The following BCCIP variants were observed in gnomAD, a reference collection of about 807,000 sequenced individuals.
The protein encoded by BCCIP is BRCA2 and CDKN1A interacting protein.
BCCIP carries 23 observed loss-of-function variants against 32.8 expected under a neutral mutation model. That is an observed-to-expected ratio of 0.70 (90% CI 0.51 to 0.99). BCCIP has a LOEUF of 0.99. Among genes scored for constraint, BCCIP ranks in the 50% least tolerant of loss-of-function variants. The pLI is 0.00. For missense variants in BCCIP, 378 were observed against 379.8 expected (o/e 1.00, Z 0.04); for synonymous variants, 144 against 137.6 (o/e 1.05, Z -0.33).
chr10:125,852,333 G>A (rs1368886326), intron 7 of BCCIP: 1 of 1,614,044 alleles, frequency 6.2e-7, no homozygotes, highest in Non-Finnish European at 8.5e-7. Context: ...GGCCCGCAAT[G>A]TCTATCCTCT....
At chr10:125,843,741 A>G (rs944188273), downstream of BCCIP, among the ~76,000 whole-genome samples, 4 of 152,186 alleles carry the variant, frequency 2.6e-5, no homozygotes, top group Non-Finnish European at 5.9e-5. Context: ...GATGCAGCCT[A>G]CCACACCTCC....
intron 2 of BCCIP, 143 bp from the exon 3 acceptor site, chr10:125,827,415 C>T: frequency 1.9e-6 from 1 of 531,672 alleles, no homozygotes; most frequent in Non-Finnish European, 3.3e-6. Context: ...CTCTCCTGGG[C>T]TTTTCTTTCC....
In BCCIP at chr10:125,834,067, C is replaced by G. The variant is rs906171637; in HGVS notation, c.774+121C>G. On this transcript the variant is annotated intron_variant, in intron 6 of 6. Coordinates refer to ENST00000278100, the MANE Select transcript of BCCIP (RefSeq NM_078468.3). ...TTTCAAGTGTGGCTACTCTGTTTTT[C>G]TGTTTCCCCACAGGACCTAGCAGCT... The G allele has an allele frequency of 6.2e-6, 7 of 1,133,930 alleles. No homozygotes were observed. The African/African-American group carries it at 9.4e-5, about 15-fold the overall frequency. The allele number at this position is 1,133,930 out of a possible 1,614,324, so 70.2% of individuals were successfully genotyped here.
chr10:125,850,392 T>G (rs1944075416), intron 7 of BCCIP, among the ~76,000 whole-genome samples: 1 of 150,004 alleles, frequency 6.7e-6, no homozygotes, highest in East Asian at 2.0e-4. Context: ...AGTTTTGCTC[T>G]TGTTGCCCAG....
chr10:125,828,776 G>A (rs1165880025), intron 3 of BCCIP, among the ~76,000 whole-genome samples: 1 of 152,200 alleles, frequency 6.6e-6, no homozygotes, highest in African/African-American at 2.4e-5. Flanking sequence ...ACAGAGCTCA[G>A]TGGGCACAAC....
At chr10:125,827,675 G>T in intron 3 of BCCIP, 37 bp downstream of exon 3, 1 of 1,461,322 alleles carries the variant, frequency 6.8e-7, no homozygotes, top group Non-Finnish European at 9.6e-7. Flanking sequence ...GATTAAATGA[G>T]TTCTTTATTC....
chr10:125,849,246 C>T (rs138762285), intron 7 of BCCIP, among the ~76,000 whole-genome samples: 98 of 152,258 alleles, frequency 6.4e-4, no homozygotes, highest in African/African-American at 2.0e-3. Context: ...GCCATCTTTC[C>T]GCCTGCACTG....
chr10:125,839,285 CCT>C, downstream of BCCIP: 1 of 1,292,554 alleles, frequency 7.7e-7, no homozygotes. Flanking sequence ...CCTGTGCTCT[CCT>C]CTCCTACAAA....
intron 3 of BCCIP, among the ~76,000 whole-genome samples, chr10:125,829,768 C>T (rs1854481318): frequency 6.6e-6 from 1 of 152,144 alleles, no homozygotes; most frequent in Non-Finnish European, 1.5e-5. Flanking sequence ...CTTAGAAGAC[C>T]TAATGGATAT....
chr10:125,828,409 G>A (rs138347448), intron 3 of BCCIP, among the ~76,000 whole-genome samples: 152 of 152,286 alleles, frequency 1.0e-3, no homozygotes, highest in African/African-American at 3.4e-3. Context: ...TTGAGATTGC[G>A]CAGGGAGGGA....
chr10:125,842,733 G>T, exon 7 of BCCIP: 1 of 719,890 alleles, frequency 1.4e-6, no homozygotes, highest in Non-Finnish European at 1.7e-6. Context: ...AACTGACCTG[G>T]ATCTCAGATG....
At chr10:125,841,593 A>G in exon 7 of BCCIP, 12 of 1,446,670 alleles carry the variant, frequency 8.3e-6, no homozygotes, top group Non-Finnish European at 1.1e-5. Context: ...CTAACCTATT[A>G]AAATACCTCA....
chr10:125,836,863 T>C (rs1854706595), downstream of BCCIP: 16 of 1,613,304 alleles, frequency 9.9e-6, no homozygotes, highest in Non-Finnish European at 1.1e-5. Flanking sequence ...AATCTGTTTA[T>C]TTAAGACAAA....
At chr10:125,835,069 C>A in intron 6 of BCCIP, among the ~76,000 whole-genome samples, 1 of 148,268 alleles carries the variant, frequency 6.7e-6, no homozygotes, top group Non-Finnish European at 1.5e-5. Flanking sequence ...GGAGGCGGAG[C>A]TTGCAGTGAG....
intron 2 of BCCIP, among the ~76,000 whole-genome samples, chr10:125,826,996 T>TAAAAAAAAAAAAAAAAA (rs374807277): frequency 7.7e-6 from 1 of 129,310 alleles, no homozygotes; most frequent in Non-Finnish European, 1.6e-5. Flanking sequence ...CCTCTGTCTC[T>TAAAAAAAAAAAAAAAAA]AAAAAAAAAG....
chr10:125,832,436 A>G (rs899747911), intron 5 of BCCIP, among the ~76,000 whole-genome samples: 14 of 151,724 alleles, frequency 9.2e-5, no homozygotes, highest in African/African-American at 3.2e-4. Flanking sequence ...TACTCTGGAA[A>G]CCTTTACGTT....
In BCCIP at chr10:125,852,201, T is replaced by C. The variant is rs946152727; in HGVS notation, c.851-924T>C. Reference sequence around the variant, plus strand: ...AACGCCCCCTCCATGCTTGTGTGCATTGCTGCGCATCATGTGAACTCAGGA... The same window carrying C: ...AACGCCCCCTCCATGCTTGTGTGCACTGCTGCGCATCATGTGAACTCAGGA... On this transcript the variant is annotated intron_variant, in intron 7 of 7. Transcript: ENST00000368759. 20 of 1,477,012 alleles carry C rather than the reference T, an allele frequency of 1.4e-5. No homozygotes were observed. In the African/African-American group the frequency reaches 2.4e-4, roughly 18 times the overall value. 91.5% of individuals were successfully genotyped at this position (1,477,012 alleles called of 1,614,324 possible). A position where few individuals can be genotyped will look rare whatever the true frequency, so the allele number is the denominator to read the frequency against.
chr10:125,840,776 C>T (rs1810307099), downstream of BCCIP: 4 of 1,458,014 alleles, frequency 2.7e-6, no homozygotes, highest in Non-Finnish European at 3.7e-6. Flanking sequence ...TGATGAATAA[C>T]TAATAAGGAC....
At chr10:125,852,014 C>T (rs1323671963) in intron 7 of BCCIP, among the ~76,000 whole-genome samples, 1 of 152,094 alleles carries the variant, frequency 6.6e-6, no homozygotes, top group African/African-American at 2.4e-5. Flanking sequence ...CTTCCATACT[C>T]CACATTACCC....
Sources: allele counts gnomAD v4.1 joint callset (sites outside exome capture counted in the v4.1 genomes callset), GRCh38; gene constraint gnomAD v4.1.1; transcripts MANE v1.5; gene names NCBI Gene and HGNC (gene_info 2026-07-23, HGNC 2026-07-21).